MYO6: variants seen among roughly 807,000 people sequenced by gnomAD.
The protein encoded by MYO6 is unconventional myosin-VI.
MYO6 carries 74 observed loss-of-function variants against 178.7 expected under a neutral mutation model. The ratio of observed to expected loss-of-function variants is 0.41; its 90% CI spans 0.34 to 0.50. The LOEUF is 0.50. MYO6 is among the 20% of genes least tolerant of loss of function. The pLI is 0.09. For synonymous variants in MYO6, 477 were observed against 504.6 expected (o/e 0.95, Z 0.73); for missense variants, 1,330 against 1,547.4 (o/e 0.86, Z 2.36).
intron 23 of MYO6, among the ~76,000 whole-genome samples, chr6:75,884,134 A>G (rs929089431): frequency 6.6e-6 from 1 of 152,196 alleles, no homozygotes; most frequent in African/African-American, 2.4e-5. Flanking sequence ...ACTGTGTTCT[A>G]CAGTGGTACC....
At chr6:75,851,956 T>C (rs1775307785) in intron 11 of MYO6, among the ~76,000 whole-genome samples, 1 of 152,214 alleles carries the variant, frequency 6.6e-6, no homozygotes, top group Admixed American at 6.5e-5. Context: ...GAAAACTGCA[T>C]TGGGACTGCC....
chr6:75,816,869 T>A (rs1771305314), intron 1 of MYO6, among the ~76,000 whole-genome samples: 1 of 152,208 alleles, frequency 6.6e-6, no homozygotes, highest in Non-Finnish European at 1.5e-5. Flanking sequence ...TGGTATAAAT[T>A]ACACTCAACT....
chr6:75,824,220 C>G (rs1772200118), intron 3 of MYO6, among the ~76,000 whole-genome samples: 1 of 152,142 alleles, frequency 6.6e-6, no homozygotes, highest in Non-Finnish European at 1.5e-5. Context: ...TTTGCTTTGT[C>G]TTGCTATGCT....
In MYO6 at chr6:75,841,208, T is replaced by C. The variant is rs1489132715; in HGVS notation, c.652-6T>C. On this transcript the variant is annotated splice_region_variant and splice_polypyrimidine_tract_variant and intron_variant, in intron 8 of 34. Transcript: ENST00000369977. Reference sequence around the variant, plus strand: ...AAATATATTTTCTCTGTGTTTTGTTTTTTAGAGCTCAGTTGTTGGAGGATT... The same window carrying C: ...AAATATATTTTCTCTGTGTTTTGTTCTTTAGAGCTCAGTTGTTGGAGGATT... 2 of 1,613,218 alleles carry C rather than the reference T, an allele frequency of 1.2e-6. No individual in the cohort carries two copies. The highest frequency in any genetic ancestry group is 1.1e-5 in the South Asian group (1 of 91,042).
chr6:75,889,011 CATT>C (rs774935523), intron 25 of MYO6, among the ~76,000 whole-genome samples: 8 of 152,122 alleles, frequency 5.3e-5, no homozygotes, highest in African/African-American at 1.9e-4. Context: ...CATATCTTCT[CATT>C]ATATTTTAGA....
chr6:75,769,574 C>G (rs1286141853), intron 1 of MYO6, among the ~76,000 whole-genome samples: 1 of 152,248 alleles, frequency 6.6e-6, no homozygotes, highest in South Asian at 2.1e-4. Flanking sequence ...CCCAAGGTCT[C>G]GGGCAGCTCC....
chr6:75,754,691 C>T (rs1777199550), intron 1 of MYO6, among the ~76,000 whole-genome samples: 1 of 152,002 alleles, frequency 6.6e-6, no homozygotes, highest in South Asian at 2.1e-4. Context: ...TGAACTGATT[C>T]CTCCCTGTGC....
rs1780524419 is a variant in MYO6 at position 75,908,578 on chromosome 6, G to T, written c.3363G>T (p.Lys1121Asn). ...ATGCTTGGAAATCTAAGAACAAGAAGAGAAATACTGAAACAGAGCAACGTG... is the reference window on the plus strand; with the variant it reads ...ATGCTTGGAAATCTAAGAACAAGAATAGAAATACTGAAACAGAGCAACGTG... ...VYHAWKSKNK[K>N]RNTETEQRAP... The change falls in exon 32 of 35, where the codon AAG becomes AAT. Residue 1121 changes from lysine to asparagine, a missense_variant. This residue lies in a region of MYO6 where 601 missense variants were observed against 626.1 expected (regional missense o/e 0.96). Transcript: ENST00000369977. The T allele has an allele frequency of 6.2e-7, 1 of 1,613,360 alleles. No homozygotes were observed. Among genetic ancestry groups the T allele is most frequent in the Admixed American group, 1.7e-5 (1 of 59,986 alleles).
At chr6:75,809,786 G>A (rs773553055) in intron 1 of MYO6, among the ~76,000 whole-genome samples, 5 of 151,772 alleles carry the variant, frequency 3.3e-5, no homozygotes, top group Non-Finnish European at 7.4e-5. Flanking sequence ...ATGTCAGCCC[G>A]GCGTGCTGGC....
In MYO6 at chr6:75,857,078, G is replaced by A. The variant is rs1583287049; in HGVS notation, c.1224-19G>A. ...GCACTATTATAAAGAATTTTTACTAGCATAGTTTTCTTTTATAGGGTACCT... is the reference window on the plus strand; with the variant it reads ...GCACTATTATAAAGAATTTTTACTAACATAGTTTTCTTTTATAGGGTACCT... On this transcript the variant is annotated intron_variant, in intron 12 of 34. Coordinates refer to ENST00000369977, the MANE Select transcript of MYO6 (RefSeq NM_004999.4). The A allele has an allele frequency of 1.9e-6, 3 of 1,613,080 alleles. No homozygotes were observed. The highest frequency in any genetic ancestry group is 1.3e-5 in the African/African-American group (1 of 74,870).
At chr6:75,804,951 A>G (rs1769874794) in intron 1 of MYO6, among the ~76,000 whole-genome samples, 1 of 146,336 alleles carries the variant, frequency 6.8e-6, no homozygotes, top group Non-Finnish European at 1.5e-5. Flanking sequence ...ATATACACAT[A>G]TGTACACATA....
chr6:75,768,526 G>A (rs919350114), intron 1 of MYO6, among the ~76,000 whole-genome samples: 1 of 151,620 alleles, frequency 6.6e-6, no homozygotes, highest in Non-Finnish European at 1.5e-5. Context: ...GACTACAGGC[G>A]CCTGCCACTA....
intron 17 of MYO6, 130 bp downstream of exon 17, chr6:75,866,751 A>C: frequency 9.2e-7 from 1 of 1,091,052 alleles, no homozygotes; most frequent in Non-Finnish European, 1.4e-6. Context: ...TACAAGTTCA[A>C]TTCCTCAGTA....
chr6:75,832,414 T>C (rs1413997751), intron 5 of MYO6, among the ~76,000 whole-genome samples: 2 of 152,206 alleles, frequency 1.3e-5, no homozygotes, highest in African/African-American at 2.4e-5. Context: ...GTTGCCATTA[T>C]GTATTTTTTT....
intron 16 of MYO6, among the ~76,000 whole-genome samples, chr6:75,863,949 A>G (rs1776429881): frequency 1.3e-5 from 2 of 152,168 alleles, no homozygotes; most frequent in Admixed American, 6.5e-5. Context: ...TAATAAAAGC[A>G]CAGCTCCATC....
At chr6:75,879,062 A>T (rs556172194) in intron 20 of MYO6, among the ~76,000 whole-genome samples, 2 of 152,194 alleles carry the variant, frequency 1.3e-5, no homozygotes, top group African/African-American at 4.8e-5. Flanking sequence ...CATTTGCCTT[A>T]TGCACTGATG....
intron 1 of MYO6, among the ~76,000 whole-genome samples, chr6:75,752,463 T>G (rs956687995): frequency 2.0e-5 from 3 of 152,212 alleles, no homozygotes; most frequent in Non-Finnish European, 2.9e-5. Flanking sequence ...TGAGGGAGTC[T>G]AGTCTCAAAG....
chr6:75,763,095 C>T (rs1205423370), intron 1 of MYO6, among the ~76,000 whole-genome samples: 3 of 150,238 alleles, frequency 2.0e-5, no homozygotes, highest in Admixed American at 6.7e-5. Context: ...GGCATGATCT[C>T]GGCTCACTGC....
At chr6:75,786,624 C>T (rs1442767107) in intron 1 of MYO6, among the ~76,000 whole-genome samples, 2 of 152,044 alleles carry the variant, frequency 1.3e-5, no homozygotes, top group Non-Finnish European at 2.9e-5. Context: ...TTATTTTGCT[C>T]TTAATTTCAT....
Sources: gnomAD v4.1 joint callset for allele counts (sites outside exome capture counted in the v4.1 genomes callset) on GRCh38, gnomAD v4.1.1 for gene constraint, gnomAD v4.1.1 regional missense constraint, MANE v1.5 for transcripts, NCBI Gene and HGNC (gene_info 2026-07-23, HGNC 2026-07-21) for gene names.